Variants in USP32 observed in about 807,000 individuals in gnomAD.
USP32 encodes ubiquitin carboxyl-terminal hydrolase 32.
Under a neutral mutation model 204.8 loss-of-function variants are expected in USP32, and 59 were observed. The ratio of observed to expected loss-of-function variants is 0.29; its 90% CI spans 0.23 to 0.36. The LOEUF is 0.36. USP32 is among the 10% of genes least tolerant of loss of function. The pLI is 1.00. For missense variants in USP32, 1,160 were observed against 1,946.4 expected, an observed-to-expected ratio of 0.60 and a Z score of 7.60; for synonymous variants, 517 against 678.4, an observed-to-expected ratio of 0.76 and a Z score of 3.70.
chr17:60,284,400 TA>T (rs2087056404), intron 5 of USP32, among the ~76,000 whole-genome samples: 1 of 151,530 alleles, frequency 6.6e-6, no homozygotes, highest in African/African-American at 2.4e-5. Context: ...TTTTTTTTTT[TA>T]GTAGAGACAG....
rs146544566 is a variant in USP32 at position 60,386,018 on chromosome 17, A to AAC, written c.58+5862_58+5863dup. Among the ~76,000 whole-genome samples the AAC allele has an allele frequency of 2.1e-3, 311 of 149,588 alleles. 1 individual carries two copies. Among genetic ancestry groups the AAC allele is most frequent in the East Asian group, 2.7e-3 (14 of 5,134 alleles). On this transcript the variant is annotated intron_variant, in intron 1 of 33. Transcript: ENST00000300896. ...AGAAAATTCTATTCTATTGCTGCAT[A>AAC]ACACACACACACACACACAACACAA...
At chr17:60,274,116 A>C (rs754329547) in intron 5 of USP32, among the ~76,000 whole-genome samples, 3 of 152,108 alleles carry the variant, frequency 2.0e-5, no homozygotes, top group Non-Finnish European at 4.4e-5. Flanking sequence ...TGGCAACTAT[A>C]AAGAAGTATC....
chr17:60,271,438 T>C lies in USP32; in HGVS notation c.615A>G (p.Leu205=). 9 of 1,614,152 alleles carry C rather than the reference T, an allele frequency of 5.6e-6. No individual in the cohort carries two copies. Among genetic ancestry groups the C allele is most frequent in the Non-Finnish European group, 7.6e-6 (9 of 1,180,016 alleles). Residue 205 remains leucine, a synonymous_variant, in exon 6 of 34, where the codon TTA becomes TTG. Coordinates refer to ENST00000300896, the MANE Select transcript of USP32 (RefSeq NM_032582.4). ...DIIDLEKRYW[L]LKAQSRTGRF... is the part of the protein sequence containing the mutation. ...GTCCAGTCCGGGATTGAGCCTTCAA[T>C]AACCAATAGCGTTTCTCAAGATCAA...
chr17:60,357,572 G>T (rs2089111538), intron 1 of USP32, among the ~76,000 whole-genome samples: 1 of 152,112 alleles, frequency 6.6e-6, no homozygotes, highest in Non-Finnish European at 1.5e-5. Context: ...TACATTCATA[G>T]TCATACATCT....
At chr17:60,413,478 TAAAAA>T (rs758633535) in intron 1 of USP32, among the ~76,000 whole-genome samples, 2 of 152,076 alleles carry the variant, frequency 1.3e-5, no homozygotes, top group African/African-American at 4.8e-5. Flanking sequence ...TATTTTGACT[TAAAAA>T]GGAAGGGAGG....
intron 1 of USP32, among the ~76,000 whole-genome samples, chr17:60,373,503 G>T (rs976733687): frequency 2.7e-5 from 4 of 149,522 alleles, no homozygotes; most frequent in Admixed American, 6.6e-5. Flanking sequence ...GAGTGCAGTG[G>T]CACGATCTTG....
At chr17:60,201,959 G>A (rs1056521328) in intron 26 of USP32, among the ~76,000 whole-genome samples, 9 of 152,240 alleles carry the variant, frequency 5.9e-5, no homozygotes, top group Middle Eastern at 3.4e-3. Context: ...ACCCAGCCAA[G>A]TTATCAATTT....
chr17:60,421,148 A>G (rs2090108524), intron 1 of USP32: 1 of 161,442 alleles, frequency 6.2e-6, no homozygotes, highest in Non-Finnish European at 1.3e-5. Context: ...CAATATAATT[A>G]TCCTTCTTAA....
At position 60,183,184 on chromosome 17, in the gene USP32, G is replaced by A; in HGVS notation, c.4104C>T (p.Asn1368=). 1.2e-6 allele frequency: 2 copies of A among 1,613,674 alleles called. No individual in the cohort carries two copies. Among genetic ancestry groups the A allele is most frequent in the Non-Finnish European group, 1.7e-6 (2 of 1,179,688 alleles). ...CCTCACCTTTCGGGCTGCTGATGAT[G>A]TTAGCGCTGAGTGAGGATGGGCTTT... is the stretch of plus-strand genomic sequence containing the variant. The part of the protein sequence containing the change: ...LSKSPSSLSA[N]IISSPKGSPS... The change falls in exon 31 of 34, where the codon AAC becomes AAT. Residue 1368 remains asparagine (N), a synonymous_variant. Transcript: ENST00000300896.
At position 60,181,490 on chromosome 17, in the gene USP32, G is replaced by A; in HGVS notation, c.4382C>T (p.Pro1461Leu). 6.2e-7 allele frequency: 1 copy of A among 1,614,006 alleles called. No homozygotes were observed. Among genetic ancestry groups the A allele is most frequent in the Non-Finnish European group, 8.5e-7 (1 of 1,179,872 alleles). ...LGGSQPELVT[P>L]QDHEVALANG... ...GGCCAAAGCTACCTCATGGTCCTGA[G>A]GAGTGACCAACTCTGGTTGGCTGCC... The change falls in exon 32 of 34, where the codon CCT (proline) becomes CTT (leucine). Residue 1461 changes from proline (P) to leucine (L), a missense_variant. Transcript: ENST00000300896.
At chr17:60,260,987 A>C (rs1214134360) in intron 9 of USP32, among the ~76,000 whole-genome samples, 1 of 152,234 alleles carries the variant, frequency 6.6e-6, no homozygotes, top group Non-Finnish European at 1.5e-5. Flanking sequence ...CACATAACTT[A>C]ATGAACTCTA....
chr17:60,326,539 T>G (rs948201759), intron 2 of USP32, among the ~76,000 whole-genome samples: 1 of 152,158 alleles, frequency 6.6e-6, no homozygotes, highest in Non-Finnish European at 1.5e-5. Flanking sequence ...CCTTGGGTGA[T>G]CCACCCACCT....
intron 12 of USP32, among the ~76,000 whole-genome samples, chr17:60,229,958 C>A (rs1474492763): frequency 6.6e-6 from 1 of 152,098 alleles, no homozygotes; most frequent in African/African-American, 2.4e-5. Flanking sequence ...GGATTACAGG[C>A]ACGCACCACT....
In USP32 at chr17:60,231,237, G is replaced by A. The variant is rs534956550; in HGVS notation, c.1239+4901C>T. Among the ~76,000 whole-genome samples the A allele has an allele frequency of 1.2e-4, 18 of 152,214 alleles. No homozygotes were observed. The South Asian group carries it at 3.5e-3, about 30-fold the overall frequency. On this transcript the variant is annotated intron_variant, in intron 12 of 33. Coordinates refer to ENST00000300896, the MANE Select transcript of USP32 (RefSeq NM_032582.4). ...ATGATACTACTACTTTTTATGCCCT[G>A]TACATAGGTATGTTACAAGAATCAA... is the stretch of plus-strand genomic sequence containing the variant.
Position 60,309,494 on chromosome 17 carries a change from C to T in USP32, c.187-7790G>A, listed in dbSNP as rs555368114. On this transcript the variant is annotated intron_variant, in intron 2 of 33. Coordinates refer to ENST00000300896, the MANE Select transcript of USP32 (RefSeq NM_032582.4). Reference sequence around the variant, plus strand: ...GCACGCACTTGTAATCACAGTTACTCGGGAGGCTGAGGTGGGAGAATCACC... The same window carrying T: ...GCACGCACTTGTAATCACAGTTACTTGGGAGGCTGAGGTGGGAGAATCACC... Among the ~76,000 whole-genome samples the T allele has an allele frequency of 1.6e-4, 24 of 151,750 alleles. 1 individual carries two copies. Among genetic ancestry groups the T allele is most frequent in the Admixed American group, 2.0e-4 (3 of 15,222 alleles).
At chr17:60,327,732 C>A (rs1034641337) in intron 2 of USP32, among the ~76,000 whole-genome samples, 1 of 152,226 alleles carries the variant, frequency 6.6e-6, no homozygotes, top group Non-Finnish European at 1.5e-5. Context: ...CCGGGGAAGT[C>A]CCCCTGCCCC....
At chr17:60,419,387 G>A (rs978995604) in intron 1 of USP32, among the ~76,000 whole-genome samples, 3 of 152,146 alleles carry the variant, frequency 2.0e-5, no homozygotes, top group Non-Finnish European at 4.4e-5. Flanking sequence ...GGAGAAGTGA[G>A]AGGATCAGGA....
At chr17:60,341,496 C>T (rs1352643422) in intron 2 of USP32, among the ~76,000 whole-genome samples, 2 of 152,118 alleles carry the variant, frequency 1.3e-5, no homozygotes, top group Non-Finnish European at 2.9e-5. Flanking sequence ...AATATTGGCC[C>T]CCACTCTCTT....
chr17:60,306,347 T>C (rs774493193), intron 2 of USP32, among the ~76,000 whole-genome samples: 37 of 152,200 alleles, frequency 2.4e-4, no homozygotes, highest in Non-Finnish European at 4.6e-4. Context: ...ATCCCTATAA[T>C]AATTTTCTGG....
Sources: gnomAD v4.1 joint callset for allele counts (sites outside exome capture counted in the v4.1 genomes callset) on GRCh38, gnomAD v4.1.1 for gene constraint, MANE v1.5 for transcripts, NCBI Gene and HGNC (gene_info 2026-07-23, HGNC 2026-07-21) for gene names.